Variants in RAD51B observed in about 807,000 individuals in gnomAD.
RAD51B encodes the protein RAD51 paralog B, also known as DNA repair protein RAD51 homolog 2.
RAD51B carries 38 observed loss-of-function variants against 42.2 expected under a neutral mutation model. That is an observed-to-expected ratio of 0.90 (90% CI 0.70 to 1.18). The LOEUF (loss-of-function observed/expected upper bound fraction) is 1.18. RAD51B is among the 50% of genes most tolerant of loss of function. The pLI, the probability that RAD51B is intolerant of heterozygous loss-of-function variation, is 0.00. For synonymous variants in RAD51B, 154 were observed against 145.2 expected, an observed-to-expected ratio of 1.06 and a Z score of -0.43; for missense variants, 373 against 400.7, an observed-to-expected ratio of 0.93 and a Z score of 0.59.
At chr14:68,426,597 G>A (rs1468750305) in intron 9 of RAD51B, among the ~76,000 whole-genome samples, 1 of 152,106 alleles carries the variant, frequency 6.6e-6, no homozygotes, top group East Asian at 1.9e-4. Flanking sequence ...TCTTTTAACT[G>A]CATACAGTAA....
At chr14:68,137,130 G>T (rs2078026725) in intron 7 of RAD51B, among the ~76,000 whole-genome samples, 1 of 152,102 alleles carries the variant, frequency 6.6e-6, no homozygotes, top group Non-Finnish European at 1.5e-5. Flanking sequence ...ACAAAAATTG[G>T]CCTGGCGTGA....
intron 11 of RAD51B, among the ~76,000 whole-genome samples, chr14:68,667,836 C>G (rs1893063665): frequency 6.6e-6 from 1 of 152,182 alleles, no homozygotes; most frequent in Non-Finnish European, 1.5e-5. Context: ...GCTACCATGC[C>G]AGAAAAACAC....
intron 10 of RAD51B, among the ~76,000 whole-genome samples, chr14:68,636,729 T>C (rs1420474095): frequency 6.6e-6 from 1 of 152,200 alleles, no homozygotes; most frequent in Non-Finnish European, 1.5e-5. Context: ...GAGTTAATAA[T>C]GTAACAGGTC....
chr14:68,678,170 G>A (rs1420474539), intron 11 of RAD51B, among the ~76,000 whole-genome samples: 1 of 152,156 alleles, frequency 6.6e-6, no homozygotes, highest in Non-Finnish European at 1.5e-5. Flanking sequence ...GAACCACCAC[G>A]TTCTTAACCG....
intron 8 of RAD51B, among the ~76,000 whole-genome samples, chr14:68,391,305 T>A (rs559630912): frequency 6.6e-6 from 1 of 152,168 alleles, no homozygotes; most frequent in African/African-American, 2.4e-5. Flanking sequence ...AGTTGTTGAG[T>A]CTTTAGTATG....
intron 10 of RAD51B, among the ~76,000 whole-genome samples, chr14:68,594,323 C>A (rs1370311970): frequency 6.6e-6 from 1 of 152,202 alleles, no homozygotes; most frequent in Non-Finnish European, 1.5e-5. Context: ...CTTCCCCACC[C>A]GCATTCTTTT....
chr14:68,614,845 A>G (rs1239665419), downstream of RAD51B, among the ~76,000 whole-genome samples: 1 of 152,230 alleles, frequency 6.6e-6, no homozygotes, highest in Non-Finnish European at 1.5e-5. Context: ...GTGTGTGGAC[A>G]TGGATTTTCA....
chr14:68,081,047 G>T (rs2140489677), intron 7 of RAD51B, among the ~76,000 whole-genome samples: 1 of 152,292 alleles, frequency 6.6e-6, no homozygotes, highest in Non-Finnish European at 1.5e-5. Context: ...GAGACTCAAA[G>T]TTCTGTAGCA....
chr14:68,507,280 T>C (rs945241843), intron 10 of RAD51B, among the ~76,000 whole-genome samples: 1 of 152,142 alleles, frequency 6.6e-6, no homozygotes, highest in Non-Finnish European at 1.5e-5. Context: ...AGCTCGGGTG[T>C]CCTCGTGTGT....
At chr14:68,152,723 CTTT>C (rs3072524) in intron 7 of RAD51B, among the ~76,000 whole-genome samples, 20 of 146,650 alleles carry the variant, frequency 1.4e-4, no homozygotes, top group East Asian at 2.0e-4. Flanking sequence ...AGTACCCAAT[CTTT>C]TTTTTTTTTT....
chr14:68,249,597 C>T (rs1203915926), intron 7 of RAD51B, among the ~76,000 whole-genome samples: 2 of 152,170 alleles, frequency 1.3e-5, no homozygotes, highest in Admixed American at 1.3e-4. Context: ...AAAACAAAAA[C>T]CAACTGGACT....
intron 7 of RAD51B, among the ~76,000 whole-genome samples, chr14:68,037,887 T>C (rs1173151667): frequency 1.3e-5 from 2 of 152,236 alleles, no homozygotes; most frequent in Non-Finnish European, 2.9e-5. Context: ...AATAAACAAT[T>C]CCATAGGATT....
In RAD51B at chr14:67,948,931, C is replaced by CAAAAAAAAAAAA. The variant is rs59465805; in HGVS notation, c.756+61743_756+61754dup. 3.9e-3 allele frequency among the ~76,000 whole-genome samples: 66 copies of CAAAAAAAAAAAA among 17,058 alleles called. 12 individuals are homozygous for CAAAAAAAAAAAA. Among genetic ancestry groups the CAAAAAAAAAAAA allele is most frequent in the African/African-American group, 0.012 (61 of 5,212 alleles). The allele number at this position is 17,058 out of a possible 152,430, so 11.2% of individuals were successfully genotyped here. A position where few individuals can be genotyped will look rare whatever the true frequency, so the allele number is the denominator to read the frequency against. On this transcript the variant is annotated intron_variant, in intron 7 of 10. Transcript: ENST00000471583. Reference sequence around the variant, plus strand: ...TGGGTGACAGAGTGAGACTCTGTCTCAAAAAAAAAAAAAAAAAAAAAAAAA... The same window carrying CAAAAAAAAAAAA: ...TGGGTGACAGAGTGAGACTCTGTCTCAAAAAAAAAAAAAAAAAAAAAAAAAAAAAAAAAAAAA...
chr14:68,348,253 A>C (rs972159535), intron 8 of RAD51B, among the ~76,000 whole-genome samples: 1 of 152,246 alleles, frequency 6.6e-6, no homozygotes, highest in South Asian at 2.1e-4. Flanking sequence ...TTTGCAAAGC[A>C]CAAACAATTT....
intron 9 of RAD51B, among the ~76,000 whole-genome samples, chr14:68,446,067 A>T (rs1363367252): frequency 1.3e-5 from 2 of 152,168 alleles, no homozygotes; most frequent in Non-Finnish European, 2.9e-5. Context: ...TGCTTTCTAT[A>T]ATAGCCGCTC....
At chr14:67,860,626 C>A (rs996906487) in intron 4 of RAD51B, among the ~76,000 whole-genome samples, 3 of 151,970 alleles carry the variant, frequency 2.0e-5, no homozygotes, top group African/African-American at 4.8e-5. Flanking sequence ...ATGTGTTTGA[C>A]TTACTTTGAA....
At chr14:68,539,317 C>G (rs1192674631) in intron 10 of RAD51B, among the ~76,000 whole-genome samples, 1 of 152,156 alleles carries the variant, frequency 6.6e-6, no homozygotes, top group Non-Finnish European at 1.5e-5. Flanking sequence ...CCAGCCCCAC[C>G]TCATGGCCCC....
At chr14:68,673,902 A>G (rs1221579945) in intron 11 of RAD51B, among the ~76,000 whole-genome samples, 1 of 150,130 alleles carries the variant, frequency 6.7e-6, no homozygotes, top group Non-Finnish European at 1.5e-5. Flanking sequence ...ATGCACACAC[A>G]TACTGTACAC....
chr14:68,079,132 G>A (rs1173180822), intron 7 of RAD51B, among the ~76,000 whole-genome samples: 1 of 152,078 alleles, frequency 6.6e-6, no homozygotes, highest in Non-Finnish European at 1.5e-5. Context: ...ACTTTGCCAT[G>A]GATATTTCTT....
Sources: gnomAD v4.1 joint callset for allele counts (sites outside exome capture counted in the v4.1 genomes callset) on GRCh38, gnomAD v4.1.1 for gene constraint, MANE v1.5 for transcripts, NCBI Gene and HGNC (gene_info 2026-07-23, HGNC 2026-07-21) for gene names.